PRMT8: variants seen among roughly 807,000 people sequenced by gnomAD.
PRMT8 encodes protein arginine methyltransferase 8, also known as protein arginine N-methyltransferase 8.
Under a neutral mutation model 47.1 loss-of-function variants are expected in PRMT8, and 7 were observed. That is an observed-to-expected ratio of 0.15 (90% CI 0.08 to 0.28). The LOEUF (loss-of-function observed/expected upper bound fraction) is 0.28. Among genes scored for constraint, PRMT8 ranks in the 10% least tolerant of loss-of-function variants. The pLI is 1.00. For missense variants in PRMT8, 237 were observed against 505.4 expected (o/e 0.47, Z 5.09); for synonymous variants, 188 against 186.5 (o/e 1.01, Z -0.07).
chr12:3,387,847 A>C (rs1864156276), intron 1 of PRMT8, among the ~76,000 whole-genome samples: 1 of 152,218 alleles, frequency 6.6e-6, no homozygotes, highest in South Asian at 2.1e-4. Context: ...AATTACATGC[A>C]GACATTATGA....
intron 7 of PRMT8, among the ~76,000 whole-genome samples, chr12:3,582,814 A>T (rs1051635124): frequency 6.6e-6 from 1 of 152,114 alleles, no homozygotes; most frequent in Non-Finnish European, 1.5e-5. Context: ...TTATCTTCCG[A>T]ATTCTGCTCC....
rs1866442036 is a variant in PRMT8 at position 3,552,625 on chromosome 12, C to G, written c.418-1026C>G. ...CTGGCAGCCCAGGAAAGGGCTGGTT[C>G]TCCTGGGACCTGCACCCTGGCTGGA... On this transcript the variant is annotated intron_variant, in intron 3 of 9. Coordinates refer to ENST00000382622, the MANE Select transcript of PRMT8 (RefSeq NM_019854.5). The surrounding 1 kb of genome is among the most constrained non-coding windows in gnomAD (Gnocchi z 4.5). 1 of 414,032 alleles carries G rather than the reference C, an allele frequency of 2.4e-6. No individual in the cohort carries two copies. 25.6% of individuals were successfully genotyped at this position (414,032 alleles called of 1,614,324 possible).
At chr12:3,467,569 A>G (rs185920441) in intron 1 of PRMT8, among the ~76,000 whole-genome samples, 18 of 152,280 alleles carry the variant, frequency 1.2e-4, no homozygotes, top group African/African-American at 4.3e-4. Flanking sequence ...GCTCATTCCA[A>G]TGGATGCTGG....
intron 1 of PRMT8, among the ~76,000 whole-genome samples, chr12:3,415,149 G>T (rs896126560): frequency 2.6e-5 from 4 of 151,998 alleles, no homozygotes; most frequent in African/African-American, 4.8e-5. Context: ...AGAACTCAGG[G>T]AAACACTTAC....
Position 3,583,238 on chromosome 12 carries a change from C to T in PRMT8, c.979+30C>T. On this transcript the variant is annotated intron_variant, in intron 8 of 9. Coordinates refer to ENST00000382622, the MANE Select transcript of PRMT8 (RefSeq NM_019854.5). The surrounding 1 kb of genome is among the most constrained non-coding windows in gnomAD (Gnocchi z 4.7). ...GCTGTTTGTTGCTTCCCAGAGCCTC[C>T]TCCCTCTCCCATGCTTCCTCAAGTC... 6.3e-7 allele frequency: 1 copy of T among 1,588,398 alleles called. No homozygotes were observed. Among genetic ancestry groups the T allele is most frequent in the Non-Finnish European group, 8.6e-7 (1 of 1,166,090 alleles).
At chr12:3,527,075 C>T (rs1865958667) in intron 1 of PRMT8, among the ~76,000 whole-genome samples, 1 of 152,030 alleles carries the variant, frequency 6.6e-6, no homozygotes, top group African/African-American at 2.4e-5. Flanking sequence ...TCTTCTTTTT[C>T]TGCATTTTGG....
chr12:3,591,093 G>A (rs1366273820), intron 8 of PRMT8, among the ~76,000 whole-genome samples: 3 of 152,168 alleles, frequency 2.0e-5, no homozygotes, highest in African/African-American at 7.2e-5. Flanking sequence ...GGAGAGGAAG[G>A]ATTTCAGAGA....
intron 4 of PRMT8, among the ~76,000 whole-genome samples, chr12:3,554,990 G>A (rs1342732140): frequency 6.6e-6 from 1 of 152,206 alleles, no homozygotes; most frequent in Non-Finnish European, 1.5e-5. Flanking sequence ...TGTCCATGTG[G>A]CTTCAGCCCT....
At chr12:3,429,423 C>G (rs566153985) in intron 1 of PRMT8, among the ~76,000 whole-genome samples, 1 of 152,152 alleles carries the variant, frequency 6.6e-6, no homozygotes, top group Admixed American at 6.5e-5. Flanking sequence ...TTGTGCCTGA[C>G]CCATGCTTCC....
chr12:3,536,316 C>T (rs559576629), intron 1 of PRMT8, among the ~76,000 whole-genome samples: 102 of 152,270 alleles, frequency 6.7e-4, no homozygotes, highest in Non-Finnish European at 1.1e-3. Context: ...AGGGTCTGGG[C>T]CAGTCATTTA....
intron 2 of PRMT8, among the ~76,000 whole-genome samples, chr12:3,548,870 T>C (rs1009955111): frequency 2.6e-5 from 4 of 152,146 alleles, no homozygotes; most frequent in African/African-American, 7.2e-5. Flanking sequence ...TTTGCTATTA[T>C]GAATAAATAG....
intron 8 of PRMT8, among the ~76,000 whole-genome samples, chr12:3,590,279 C>G (rs151218816): frequency 6.6e-6 from 1 of 152,290 alleles, no homozygotes; most frequent in African/African-American, 2.4e-5. Flanking sequence ...TTTGATCAAG[C>G]CAGTTCATTG....
chr12:3,505,776 C>T (rs1865614637), intron 1 of PRMT8, among the ~76,000 whole-genome samples: 1 of 152,130 alleles, frequency 6.6e-6, no homozygotes. Flanking sequence ...CTTGTCCTAA[C>T]CTTTGCTCCA....
chr12:3,415,866 G>T (rs531988056), intron 1 of PRMT8, among the ~76,000 whole-genome samples: 14 of 152,296 alleles, frequency 9.2e-5, no homozygotes, highest in Admixed American at 7.2e-4. Flanking sequence ...TGATTCCCAG[G>T]CCAGTGCTCT....
Position 3,540,639 on chromosome 12 carries a change from G to A in PRMT8, c.109G>A (p.Val37Ile), listed in dbSNP as rs201787683. ...CCCCCCCTCCCAGCCCCCCCAGCCC[G>A]TCGTCCCTGCTAAGCCCGTGCAATG... ...NSPPSQPPQP[V>I]VPAKPVQCVH... Residue 37 changes from valine to isoleucine, a missense_variant, in exon 2 of 10, where the codon GTC becomes ATC. Physicochemically the swap from Val to Ile is conservative, Grantham distance 29 (BLOSUM62 3). Around this residue, in one of 5 missense-constraint regions of PRMT8, gnomAD observed 43 missense variants for 32.4 expected, o/e 1.33. Transcript: ENST00000382622. The A allele has an allele frequency of 1.5e-4, 52 of 348,446 alleles. No individual in the cohort carries two copies. The highest frequency in any genetic ancestry group is 4.9e-4 in the African/African-American group (10 of 20,390). 21.6% of individuals were successfully genotyped at this position (348,446 alleles called of 1,614,324 possible).
chr12:3,454,400 G>A (rs2137082848), intron 1 of PRMT8, among the ~76,000 whole-genome samples: 1 of 152,284 alleles, frequency 6.6e-6, no homozygotes, highest in South Asian at 2.1e-4. Context: ...TCACTCCAGA[G>A]GGAGAATATT....
chr12:3,494,586 G>A (rs1328373545), intron 1 of PRMT8, among the ~76,000 whole-genome samples: 5 of 152,200 alleles, frequency 3.3e-5, no homozygotes, highest in Admixed American at 3.3e-4. Flanking sequence ...GGAAGGGAGA[G>A]ATGCAGTGAT....
At chr12:3,399,296 G>A (rs1357636836) in intron 1 of PRMT8, among the ~76,000 whole-genome samples, 1 of 152,186 alleles carries the variant, frequency 6.6e-6, no homozygotes, top group African/African-American at 2.4e-5. Flanking sequence ...AGCTTTCAAA[G>A]TTGGCGACTG....
chr12:3,469,638 A>G (rs1198383298), intron 1 of PRMT8, among the ~76,000 whole-genome samples: 4 of 152,120 alleles, frequency 2.6e-5, no homozygotes, highest in African/African-American at 9.7e-5. Flanking sequence ...TTAGAATGAG[A>G]TAGTGGTAAT....
Sources: gnomAD v4.1 joint callset for allele counts (sites outside exome capture counted in the v4.1 genomes callset) on GRCh38, gnomAD v4.1.1 for gene constraint, gnomAD v4.1.1 regional missense constraint, Gnocchi (gnomAD v3.1) non-coding constraint, MANE v1.5 for transcripts, NCBI Gene and HGNC (gene_info 2026-07-23, HGNC 2026-07-21) for gene names.